Variants in EFCAB5 observed in about 807,000 individuals in gnomAD.
The protein encoded by EFCAB5 is EF-hand calcium-binding domain-containing protein 5.
Under a neutral mutation model 167.9 loss-of-function variants are expected in EFCAB5, and 131 were observed. The ratio of observed to expected loss-of-function variants is 0.78; its 90% CI spans 0.68 to 0.90. EFCAB5 has a LOEUF of 0.90. Ranked by LOEUF, EFCAB5 falls within the 40% of genes least tolerant of loss-of-function variation. EFCAB5 has a pLI of 0.00. For missense variants in EFCAB5, 1,663 were observed against 1,745.2 expected (o/e 0.95, Z 0.84); for synonymous variants, 574 against 602.8 (o/e 0.95, Z 0.70).
rs750983576 is a variant in EFCAB5 at position 30,078,297 on chromosome 17, A to G, written c.2820A>G (p.Glu940=). 21 of 1,613,836 alleles carry G rather than the reference A, an allele frequency of 1.3e-5. No homozygotes were observed. The East Asian group carries it at 4.5e-4, about 34-fold the overall frequency. ...LSSKQFQNYI[E]LVVSELRGNE... ...CAAAACAATTTCAGAATTACATAGA[A>G]TTGGTTGTGTCTGAACTCAGGGGCA... Residue 940 remains glutamate, a synonymous_variant, in exon 15 of 23, where the codon GAA becomes GAG. Coordinates refer to ENST00000394835, the MANE Select transcript of EFCAB5 (RefSeq NM_198529.4).
Position 30,108,220 on chromosome 17 carries a change from T to C in EFCAB5, c.*196T>C. On this transcript the variant is annotated 3_prime_UTR_variant, in exon 23 of 23. Transcript: ENST00000394835. The stretch of plus-strand genomic sequence containing the variant: ...TTAGCCAAAAAATACCCAGCTAAGG[T>C]AGCCATAGCCAAGTGTATTTAAGTA... 2.0e-6 allele frequency: 1 copy of C among 501,608 alleles called. No individual in the cohort carries two copies. Among genetic ancestry groups the C allele is most frequent in the Non-Finnish European group, 3.4e-6 (1 of 293,516 alleles). The allele number at this position is 501,608 out of a possible 1,614,324, so 31.1% of individuals were successfully genotyped here.
In EFCAB5 at chr17:30,057,850, A is replaced by G. The variant is rs535743108; in HGVS notation, c.2540A>G (p.Tyr847Cys). 2 of 1,613,682 alleles carry G rather than the reference A, an allele frequency of 1.2e-6. No homozygotes were observed. The highest frequency in any genetic ancestry group is 2.7e-5 in the African/African-American group (2 of 74,904). ...ETLTSFFKEG[Y>C]VETEQEKMNA... The stretch of plus-strand genomic sequence containing the variant: ...CTCACCTCCTTTTTTAAGGAGGGCT[A>G]TGTTGAAACAGAACAAGAGAAAATG... The change falls in exon 13 of 23, where the codon TAT becomes TGT. Residue 847 changes from tyrosine (Y) to cysteine (C), a missense_variant. Coordinates refer to ENST00000394835, the MANE Select transcript of EFCAB5 (RefSeq NM_198529.4).
At chr17:29,999,615 T>C (rs891699842) in intron 6 of EFCAB5, among the ~76,000 whole-genome samples, 3 of 152,166 alleles carry the variant, frequency 2.0e-5, no homozygotes, top group Admixed American at 2.0e-4. Flanking sequence ...ACAGATGTTT[T>C]TGTAGCCTTT....
At chr17:30,023,218 T>A (rs2069227288) in intron 7 of EFCAB5, among the ~76,000 whole-genome samples, 1 of 152,070 alleles carries the variant, frequency 6.6e-6, no homozygotes. Context: ...AAAAAAACCC[T>A]TCAAAAAATT....
At chr17:30,016,615 A>C (rs1411975967) in intron 7 of EFCAB5, among the ~76,000 whole-genome samples, 1 of 152,206 alleles carries the variant, frequency 6.6e-6, no homozygotes, top group Non-Finnish European at 1.5e-5. Flanking sequence ...ATAGGCCACA[A>C]AGATTGCCTT....
chr17:30,072,659 A>G (rs1567758896), intron 14 of EFCAB5, among the ~76,000 whole-genome samples: 1 of 152,214 alleles, frequency 6.6e-6, no homozygotes, highest in Non-Finnish European at 1.5e-5. Context: ...CCCCATGGTT[A>G]AATTCAGGTT....
intron 7 of EFCAB5, among the ~76,000 whole-genome samples, chr17:30,012,363 G>A (rs923431736): frequency 4.6e-5 from 7 of 152,104 alleles, no homozygotes; most frequent in African/African-American, 9.7e-5. Context: ...CTCCTAGTCC[G>A]CCTTCATGTT....
chr17:30,096,365 T>C (rs1342664719), intron 22 of EFCAB5, among the ~76,000 whole-genome samples: 2 of 152,108 alleles, frequency 1.3e-5, no homozygotes, highest in Non-Finnish European at 2.9e-5. Context: ...TGATATCTGA[T>C]TAAAGACTTT....
Position 30,091,916 on chromosome 17 carries a change from T to A in EFCAB5, c.3983T>A (p.Phe1328Tyr), listed in dbSNP as rs763790423. 4.7e-5 allele frequency: 76 copies of A among 1,613,902 alleles called. No individual in the cohort carries two copies. The Middle Eastern group carries it at 6.6e-4, about 14-fold the overall frequency. ...GTCCAGCGGGCAGGAATTCTCTTCT[T>A]CCGAATCATGCTGCTCGAGCTACAG... is the stretch of plus-strand genomic sequence containing the variant. ...REVQRAGILF[F>Y]RIMLLELQES... is the part of the protein sequence containing the mutation. Residue 1328 changes from phenylalanine to tyrosine, a missense_variant, in exon 21 of 23, where the codon TTC becomes TAC. Transcript: ENST00000394835.
rs143499537 is a variant in EFCAB5 at position 30,083,780 on chromosome 17, G to A, written c.3579+737G>A. ...GAAAACTCTTTTTGACTTATCCTGA[G>A]ATACATACCCCTGGCCAGAGTGTGG... is the stretch of plus-strand genomic sequence containing the variant. On this transcript the variant is annotated intron_variant, in intron 18 of 22. Transcript: ENST00000394835. Among the ~76,000 whole-genome samples, 5 of 152,248 alleles carry A rather than the reference G, an allele frequency of 3.3e-5. No homozygotes were observed. In the East Asian group the frequency reaches 9.7e-4, roughly 29 times the overall value.
intron 22 of EFCAB5, among the ~76,000 whole-genome samples, chr17:30,098,173 G>A (rs1009706213): frequency 1.3e-5 from 2 of 151,764 alleles, no homozygotes; most frequent in African/African-American, 2.4e-5. Flanking sequence ...GACCTCAAGG[G>A]ATTCTCCCAC....
chr17:30,089,439 AT>A (rs2071152616), intron 19 of EFCAB5, among the ~76,000 whole-genome samples: 1 of 152,144 alleles, frequency 6.6e-6, no homozygotes, highest in African/African-American at 2.4e-5. Context: ...CAAAGTACCA[AT>A]TTTTTACAAA....
At chr17:30,030,915 A>T (rs978396771) in intron 7 of EFCAB5, among the ~76,000 whole-genome samples, 2 of 152,140 alleles carry the variant, frequency 1.3e-5, no homozygotes, top group Admixed American at 6.5e-5. Flanking sequence ...TAAACCTTTT[A>T]AAACTAATTA....
chr17:30,034,702 G>A lies in EFCAB5; in HGVS notation c.1200+317G>A, dbSNP rs902308877. 5.3e-5 allele frequency among the ~76,000 whole-genome samples: 8 copies of A among 152,100 alleles called. 1 individual carries two copies. Among genetic ancestry groups the A allele is most frequent in the Admixed American group, 3.9e-4 (6 of 15,266 alleles). ...TGAAAGAAGAAAAAAATAAGAGAGGGGATAGTAAATGAAGCTGGGAACAAA... is the reference window on the plus strand; with the variant it reads ...TGAAAGAAGAAAAAAATAAGAGAGGAGATAGTAAATGAAGCTGGGAACAAA... On this transcript the variant is annotated intron_variant, in intron 8 of 22. Transcript: ENST00000394835.
intron 1 of EFCAB5, chr17:29,930,417 T>G (rs1270365343): frequency 4.8e-4 from 60 of 125,462 alleles, no homozygotes; most frequent in South Asian, 2.3e-3. Flanking sequence ...TGCTGTGGAG[T>G]GGGGTGGGGG....
At chr17:29,940,901 A>G (rs2067289172), upstream of EFCAB5, among the ~76,000 whole-genome samples, 1 of 152,068 alleles carries the variant, frequency 6.6e-6, no homozygotes, top group Admixed American at 6.5e-5. Flanking sequence ...TTAGCCAGGC[A>G]TGGTGGTGAG....
intron 4 of EFCAB5, among the ~76,000 whole-genome samples, chr17:29,976,218 G>A (rs2068060566): frequency 6.6e-6 from 1 of 152,094 alleles, no homozygotes; most frequent in Non-Finnish European, 1.5e-5. Flanking sequence ...TCTATAATAA[G>A]ATAGTAATAA....
At chr17:30,019,104 TA>T (rs936620837) in intron 7 of EFCAB5, among the ~76,000 whole-genome samples, 1 of 152,094 alleles carries the variant, frequency 6.6e-6, no homozygotes, top group African/African-American at 2.4e-5. Context: ...CCTGTTAGAG[TA>T]AGAGAGGAAG....
At chr17:29,947,948 C>T (rs1388712589) in intron 3 of EFCAB5, among the ~76,000 whole-genome samples, 2 of 152,102 alleles carry the variant, frequency 1.3e-5, no homozygotes. Flanking sequence ...GCCTCAGCCT[C>T]CCAAATAGCT....
Sources: gnomAD v4.1 joint callset for allele counts (sites outside exome capture counted in the v4.1 genomes callset) on GRCh38, gnomAD v4.1.1 for gene constraint, MANE v1.5 for transcripts, NCBI Gene and HGNC (gene_info 2026-07-23, HGNC 2026-07-21) for gene names.